UBAP2L: variants seen among roughly 807,000 people sequenced by gnomAD.
UBAP2L encodes the protein ubiquitin associated protein 2 like, also known as ubiquitin-associated protein 2-like.
In UBAP2L, 12 loss-of-function variants were observed where a neutral mutation model predicts 130.6. The ratio of observed to expected loss-of-function variants is 0.09; its 90% CI spans 0.06 to 0.15. The LOEUF is 0.15. Among genes scored for constraint, UBAP2L ranks in the 10% least tolerant of loss-of-function variants. The pLI, the probability that UBAP2L is intolerant of heterozygous loss-of-function variation, is 1.00. For synonymous variants in UBAP2L, 503 were observed against 524.7 expected, an observed-to-expected ratio of 0.96 and a Z score of 0.57; for missense variants, 965 against 1,332.5, an observed-to-expected ratio of 0.72 and a Z score of 4.29.
Position 154,241,478 on chromosome 1 carries a change from A to C in UBAP2L, c.704-35A>C, listed in dbSNP as rs371503236. The C allele has an allele frequency of 8.6e-4, 1,375 of 1,603,992 alleles. 3 individuals carry two copies. The highest frequency in any genetic ancestry group is 6.1e-3 in the Middle Eastern group (37 of 6,036). Reference sequence around the variant, plus strand: ...TACATGCTTTGTACTGGCATTTAATAGTGAAGTTACTTCACTATTTTTCTT... The same window carrying C: ...TACATGCTTTGTACTGGCATTTAATCGTGAAGTTACTTCACTATTTTTCTT... On this transcript the variant is annotated intron_variant, in intron 8 of 26. Transcript: ENST00000428931.
At chr1:154,220,396 G>A (rs1665491059), upstream of UBAP2L, 1 of 1,614,226 alleles carries the variant, frequency 6.2e-7, no homozygotes, top group Non-Finnish European at 8.5e-7. Context: ...GCCAGTTACT[G>A]CCGGACGCCA....
chr1:154,240,165 T>C (rs1361338452), intron 8 of UBAP2L, among the ~76,000 whole-genome samples: 1 of 152,200 alleles, frequency 6.6e-6, no homozygotes, highest in Non-Finnish European at 1.5e-5. Context: ...TGAAGAGTTA[T>C]TTAATATATA....
intron 24 of UBAP2L, among the ~76,000 whole-genome samples, chr1:154,265,839 A>G (rs1403488495): frequency 6.6e-6 from 1 of 152,102 alleles, no homozygotes; most frequent in East Asian, 1.9e-4. Flanking sequence ...ACTCCTGTCT[A>G]CCTATCCCTC....
chr1:154,221,012 C>T, intron 1 of UBAP2L, 37 bp downstream of exon 1: 1 of 199,866 alleles, frequency 5.0e-6, no homozygotes, highest in Non-Finnish European at 1.0e-5. Flanking sequence ...GCGGCGGCGG[C>T]GGCGGCAGCG....
chr1:154,250,993 G>A (rs367812243), intron 12 of UBAP2L, 48 bp from the exon 13 acceptor site: 6 of 1,559,132 alleles, frequency 3.8e-6, no homozygotes, highest in African/African-American at 1.4e-5. Context: ...GCATTTCCTT[G>A]AGATTCATTA....
Position 154,268,946 on chromosome 1 carries a change from G to A in UBAP2L, c.3160G>A (p.Asp1054Asn). The A allele has an allele frequency of 6.2e-7, 1 of 1,613,522 alleles. No homozygotes were observed. The change falls in exon 26 of 27, where the codon GAT becomes AAT. Residue 1054 changes from aspartate to asparagine, a missense_variant. By Grantham distance (23) the Asp-to-Asn change is conservative. Coordinates refer to ENST00000428931, the MANE Select transcript of UBAP2L (RefSeq NM_014847.4). ...GATCCTTCACCATCACCTGCAGCAG[G>A]ATGGCCAGGTAATAGCCCTTCCCCT... ...SQILHHHLQQ[D>N]GQTGSGQRSQ... is the part of the protein sequence containing the mutation.
chr1:154,243,129 T>C, intron 9 of UBAP2L, 88 bp from the exon 10 acceptor site: 1 of 1,095,652 alleles, frequency 9.1e-7, no homozygotes. Context: ...CTTTCACTTT[T>C]TCTTGATGTT....
rs376213589 is a variant in UBAP2L at position 154,268,911 on chromosome 1, C to T, written c.3125C>T (p.Pro1042Leu). ...CACATTCTGACCCCCCATCAGCAGC[C>T]GCATTCTCAGATCCTTCACCATCAC... is the stretch of plus-strand genomic sequence containing the variant. ...FMHILTPHQQ[P>L]HSQILHHHLQ... The change falls in exon 26 of 27, where the codon CCG (proline) becomes CTG (leucine). Residue 1042 changes from proline (P) to leucine (L), a missense_variant. By Grantham distance (98) the Pro-to-Leu change is moderately conservative (BLOSUM62 -3). Around this residue, in one of 9 missense-constraint regions of UBAP2L, gnomAD observed 194 missense variants for 334.0 expected, o/e 0.58. Coordinates refer to ENST00000428931, the MANE Select transcript of UBAP2L (RefSeq NM_014847.4). The T allele has an allele frequency of 1.9e-6, 3 of 1,613,762 alleles. No individual in the cohort carries two copies. The highest frequency in any genetic ancestry group is 2.5e-6 in the Non-Finnish European group (3 of 1,179,928).
In UBAP2L at chr1:154,257,251, G is replaced by A. The variant is rs930536895; in HGVS notation, c.2346G>A (p.Thr782=). The change falls in exon 19 of 27, where the codon ACG becomes ACA. Residue 782 remains threonine (T), a synonymous_variant. Transcript: ENST00000428931. ...CCTCGACTCGAAGCTCAGTTGCTAC[G>A]ACTTCAGGTAGCCTTGCATAAGCAG... ...VTASTRSSVA[T]TSGKAPPNLP... 13 of 1,614,100 alleles carry A rather than the reference G, an allele frequency of 8.1e-6. No homozygotes were observed. Among genetic ancestry groups the A allele is most frequent in the East Asian group, 2.2e-5 (1 of 44,904 alleles).
intron 4 of UBAP2L, among the ~76,000 whole-genome samples, chr1:154,230,410 A>G (rs1669457712): frequency 2.0e-5 from 3 of 152,228 alleles, no homozygotes; most frequent in Non-Finnish European, 4.4e-5. Context: ...AAACTTTTAA[A>G]AACAATTGAA....
At chr1:154,249,862 C>T (rs1263329883) in intron 12 of UBAP2L, among the ~76,000 whole-genome samples, 2 of 111,368 alleles carry the variant, frequency 1.8e-5, no homozygotes, top group Non-Finnish European at 3.7e-5. Context: ...GCTAGCTTTC[C>T]GCAAAAAAAA....
Position 154,249,293 on chromosome 1 carries a change from A to C in UBAP2L, c.1069A>C (p.Thr357Pro), listed in dbSNP as rs1357620734. ...TGTCGGTGAAGCTAAAGGCGGCAGT[A>C]CTACAGGCTCCCAGTTCTTGGAGCA... ...GDVGEAKGGSTTGSQFLEQFK... is the reference protein window; with the variant it reads ...GDVGEAKGGSPTGSQFLEQFK... Residue 357 changes from threonine (T) to proline (P), a missense_variant, in exon 12 of 27, where the codon ACT becomes CCT. Coordinates refer to ENST00000428931, the MANE Select transcript of UBAP2L (RefSeq NM_014847.4). 6.2e-7 allele frequency: 1 copy of C among 1,614,088 alleles called. No individual in the cohort carries two copies. Among genetic ancestry groups the C allele is most frequent in the Non-Finnish European group, 8.5e-7 (1 of 1,180,054 alleles).
intron 17 of UBAP2L, 69 bp from the exon 18 acceptor site, chr1:154,255,614 T>G: frequency 6.5e-7 from 1 of 1,535,286 alleles, no homozygotes; most frequent in East Asian, 2.2e-5. Context: ...CTTGTTATGT[T>G]CTTGACTGAA....
chr1:154,240,903 A>G (rs1233808032), intron 8 of UBAP2L, among the ~76,000 whole-genome samples: 2 of 151,148 alleles, frequency 1.3e-5, no homozygotes, highest in Admixed American at 6.6e-5. Context: ...CCTTAAAGAT[A>G]CTGCTTTGAG....
chr1:154,267,329 A>G (rs1215333971), intron 25 of UBAP2L, among the ~76,000 whole-genome samples: 1 of 150,770 alleles, frequency 6.6e-6, no homozygotes, highest in African/African-American at 2.4e-5. Flanking sequence ...TAATTTTTGT[A>G]TTTTTTAGTA....
rs1677488213 is a variant in UBAP2L, at chr1:154,251,187, TCTC to T, written c.1364_1366del (p.Pro455del). 2 of 1,614,044 alleles carry T rather than the reference TCTC, an allele frequency of 1.2e-6. No homozygotes were observed. The highest frequency in any genetic ancestry group is 2.2e-5 in the East Asian group (1 of 44,858). ...CACAGCTGCACCTCCACCTCCGTCT[TCTC>T]CTCTGCCAAGCAAATCCACATCGGC... On this transcript the variant is annotated inframe_deletion, in exon 13 of 27. Transcript: ENST00000428931.
chr1:154,223,684 C>T (rs1667060511), intron 1 of UBAP2L, among the ~76,000 whole-genome samples: 1 of 151,998 alleles, frequency 6.6e-6, no homozygotes, highest in Non-Finnish European at 1.5e-5. Context: ...TGAGAAGCTA[C>T]CTTAAAAAAA....
intron 1 of UBAP2L, among the ~76,000 whole-genome samples, chr1:154,224,438 T>C (rs538498731): frequency 3.9e-5 from 6 of 152,142 alleles, no homozygotes; most frequent in Admixed American, 6.5e-5. Flanking sequence ...GACAAAGTCA[T>C]TGGGGCTAAT....
Position 154,257,208 on chromosome 1 carries a change from G to A in UBAP2L, c.2303G>A (p.Ser768Asn), listed in dbSNP as rs750870348. 1.1e-5 allele frequency: 17 copies of A among 1,614,250 alleles called. 1 individual carries two copies. In the South Asian group the frequency reaches 1.9e-4, roughly 18 times the overall value. Residue 768 changes from serine (S) to asparagine (N), a missense_variant, in exon 19 of 27, where the codon AGC (serine) becomes AAC (asparagine). Physicochemically the swap from Ser to Asn is conservative, Grantham distance 46 (BLOSUM62 1). Coordinates refer to ENST00000428931, the MANE Select transcript of UBAP2L (RefSeq NM_014847.4). ...SGSSLGLSLGSNSTVTASTRS... is the reference protein window; with the variant it reads ...SGSSLGLSLGNNSTVTASTRS... Reference sequence around the variant, plus strand: ...AGTAGCCTGGGCCTCAGCCTAGGCAGCAACTCCACTGTCACAGCCTCGACT... The same window carrying A: ...AGTAGCCTGGGCCTCAGCCTAGGCAACAACTCCACTGTCACAGCCTCGACT...
Sources: gnomAD v4.1 joint callset for allele counts (sites outside exome capture counted in the v4.1 genomes callset) on GRCh38, gnomAD v4.1.1 for gene constraint, gnomAD v4.1.1 regional missense constraint, MANE v1.5 for transcripts, NCBI Gene and HGNC (gene_info 2026-07-23, HGNC 2026-07-21) for gene names.